Variants in THBS4 observed in about 807,000 individuals in gnomAD.
The protein encoded by THBS4 is thrombospondin-4.
Under a neutral mutation model 115.7 loss-of-function variants are expected in THBS4, and 90 were observed. That is an observed-to-expected ratio of 0.78 (90% CI 0.66 to 0.93). The LOEUF (loss-of-function observed/expected upper bound fraction) is 0.93. Ranked by LOEUF, THBS4 falls within the 40% of genes least tolerant of loss-of-function variation. The probability of loss-of-function intolerance (pLI) is 0.00; values close to 1 mark genes in which losing one functional copy is unlikely to be tolerated. For missense variants in THBS4, 1,087 were observed against 1,232.7 expected (o/e 0.88, Z 1.77); for synonymous variants, 460 against 479.3 (o/e 0.96, Z 0.53).
chr5:80,011,408 A>G lies in THBS4; in HGVS notation n.177+12981A>G, dbSNP rs1354346001. ...ATAGTTGCCACGGAGGCTGGGAAAT[A>G]CAGTCTCTAGCTAGGAGGCCCTATG... On this transcript the variant is annotated intron_variant and non_coding_transcript_variant, in intron 2 of 3. Coordinates refer to the THBS4 transcript ENST00000510218. 2.0e-4 allele frequency among the ~76,000 whole-genome samples: 30 copies of G among 152,176 alleles called. 1 individual carries two copies. The highest frequency in any genetic ancestry group is 2.0e-3 in the Admixed American group (30 of 15,272).
At chr5:80,024,614 C>G (rs1832439580) in intron 2 of THBS4, among the ~76,000 whole-genome samples, 1 of 152,184 alleles carries the variant, frequency 6.6e-6, no homozygotes, top group South Asian at 2.1e-4. Flanking sequence ...CCAGATCATA[C>G]ATAGCATTAT....
chr5:80,011,603 G>A (rs1400794714), intron 2 of THBS4, among the ~76,000 whole-genome samples: 1 of 152,104 alleles, frequency 6.6e-6, no homozygotes, highest in African/African-American at 2.4e-5. Context: ...AGCTAAAAAT[G>A]GGATAAGAAC....
intron 1 of THBS4, among the ~76,000 whole-genome samples, chr5:79,995,051 G>T (rs1237676891): frequency 6.6e-6 from 1 of 152,226 alleles, no homozygotes; most frequent in Non-Finnish European, 1.5e-5. Context: ...ACTATGGCAA[G>T]GAATCTGAAG....
intron 2 of THBS4, among the ~76,000 whole-genome samples, chr5:80,009,866 C>A (rs1039942739): frequency 6.6e-6 from 1 of 152,128 alleles, no homozygotes; most frequent in Non-Finnish European, 1.5e-5. Context: ...GACTTGGTGG[C>A]TCAAGCCTGT....
At chr5:80,031,740 T>G (rs766357496), upstream of THBS4, among the ~76,000 whole-genome samples, 1 of 152,228 alleles carries the variant, frequency 6.6e-6, no homozygotes, top group Non-Finnish European at 1.5e-5. Flanking sequence ...AGCCTCTGCT[T>G]GTGGCACTTT....
intron 2 of THBS4, among the ~76,000 whole-genome samples, chr5:80,044,676 C>G (rs1030337180): frequency 6.6e-6 from 1 of 152,040 alleles, no homozygotes; most frequent in Non-Finnish European, 1.5e-5. Context: ...CCTCCTGTCT[C>G]GGCCTCCTAA....
At chr5:80,001,214 G>A (rs1302167450) in intron 2 of THBS4, among the ~76,000 whole-genome samples, 5 of 152,166 alleles carry the variant, frequency 3.3e-5, no homozygotes, top group Admixed American at 3.3e-4. Flanking sequence ...GACATCTAGA[G>A]GTGACTGTCA....
At chr5:80,070,014 C>T (rs1833975226) in intron 10 of THBS4, among the ~76,000 whole-genome samples, 2 of 152,238 alleles carry the variant, frequency 1.3e-5, no homozygotes, top group Admixed American at 1.3e-4. Context: ...GTTTCCAGTT[C>T]CCTGTGACCT....
chr5:80,002,630 A>G (rs1427781369), intron 2 of THBS4, among the ~76,000 whole-genome samples: 4 of 151,690 alleles, frequency 2.6e-5, no homozygotes, highest in Non-Finnish European at 5.9e-5. Flanking sequence ...GTGCAGGGAG[A>G]GAGAGCATTT....
intron 1 of THBS4, among the ~76,000 whole-genome samples, chr5:79,995,861 C>A (rs1244518599): frequency 6.6e-6 from 1 of 151,988 alleles, no homozygotes; most frequent in Non-Finnish European, 1.5e-5. Flanking sequence ...CAGTGGCTCA[C>A]ACCTGTAATC....
At chr5:80,059,325 C>CT in intron 5 of THBS4, 115 bp from the exon 6 acceptor site, 2 of 935,688 alleles carry the variant, frequency 2.1e-6, no homozygotes, top group Non-Finnish European at 3.1e-6. Flanking sequence ...CTGAGACTGT[C>CT]TCAAAAAAAA....
chr5:80,052,003 A>G (rs950404337), intron 2 of THBS4, among the ~76,000 whole-genome samples: 8 of 152,364 alleles, frequency 5.3e-5, no homozygotes, highest in African/African-American at 1.9e-4. Context: ...AATGTAGAGA[A>G]CAGAGGTAGT....
chr5:80,083,201 C>G lies in THBS4; in HGVS notation c.*60C>G, dbSNP rs1743619382. 1 of 1,465,028 alleles carries G rather than the reference C, an allele frequency of 6.8e-7. No homozygotes were observed. The highest frequency in any genetic ancestry group is 9.6e-7 in the Non-Finnish European group (1 of 1,045,182). The allele number at this position is 1,465,028 out of a possible 1,614,324, so 90.8% of individuals were successfully genotyped here. A position where few individuals can be genotyped will look rare whatever the true frequency, so the allele number is the denominator to read the frequency against. On this transcript the variant is annotated 3_prime_UTR_variant, in exon 22 of 22. Coordinates refer to ENST00000350881, the MANE Select transcript of THBS4 (RefSeq NM_003248.6). ...ACTAAAACCATATATATTTTAACTT[C>G]AATTTTCTTTAGCTTTTACCAACCC... is the stretch of plus-strand genomic sequence containing the variant.
chr5:80,026,527 C>G (rs918232347), intron 2 of THBS4, among the ~76,000 whole-genome samples: 2 of 152,180 alleles, frequency 1.3e-5, no homozygotes, highest in African/African-American at 4.8e-5. Context: ...ATATCTGAGC[C>G]CTTCGCAGGC....
chr5:80,062,897 G>A (rs1345395602), intron 8 of THBS4, among the ~76,000 whole-genome samples: 1 of 152,194 alleles, frequency 6.6e-6, no homozygotes, highest in Non-Finnish European at 1.5e-5. Context: ...ATATTCCATG[G>A]TGTATATGTG....
At chr5:80,080,442 C>T (rs1259126725) in intron 20 of THBS4, among the ~76,000 whole-genome samples, 1 of 152,014 alleles carries the variant, frequency 6.6e-6, no homozygotes, top group African/African-American at 2.4e-5. Flanking sequence ...GGTCTCTTCT[C>T]CACACCCTCC....
Position 80,027,514 on chromosome 5 carries a change from T to C in THBS4, n.178-12563T>C, listed in dbSNP as rs931193758. ...CCAAGATGGGAATTTTGTTGCCATT[T>C]ATTACACCGACAGACTTCATTCTTG... On this transcript the variant is annotated intron_variant and non_coding_transcript_variant, in intron 2 of 3. Coordinates refer to the THBS4 transcript ENST00000510218. Among the ~76,000 whole-genome samples, 12 of 152,294 alleles carry C rather than the reference T, an allele frequency of 7.9e-5. No individual in the cohort carries two copies. In the South Asian group the frequency reaches 2.5e-3, roughly 32 times the overall value.
At position 80,082,556 on chromosome 5, in the gene THBS4, TTC is replaced by T; in HGVS notation, c.2824+14_2824+15del. On this transcript the variant is annotated intron_variant, in intron 21 of 21. Coordinates refer to ENST00000350881, the MANE Select transcript of THBS4 (RefSeq NM_003248.6). Reference sequence around the variant, plus strand: ...AGTATCGCTGCAATGGTAATGTGCATTCTCGTTACTGTTCAACATTGTTACTA... The same window carrying T: ...AGTATCGCTGCAATGGTAATGTGCATTCGTTACTGTTCAACATTGTTACTA... The T allele has an allele frequency of 6.2e-7, 1 of 1,614,026 alleles. No individual in the cohort carries two copies. Among genetic ancestry groups the T allele is most frequent in the Admixed American group, 1.7e-5 (1 of 60,000 alleles).
chr5:80,061,620 T>C lies in THBS4; in HGVS notation c.988-75T>C, dbSNP rs1007425364. ...AGATAGTTAAATGACTAAACAAGTA[T>C]GTGCAAATAGATGAAGAAAAGTTTG... On this transcript the variant is annotated intron_variant, in intron 7 of 21. Coordinates refer to ENST00000350881, the MANE Select transcript of THBS4 (RefSeq NM_003248.6). The C allele has an allele frequency of 1.4e-5, 21 of 1,491,028 alleles. No homozygotes were observed. In the Admixed American group the frequency reaches 2.4e-4, roughly 17 times the overall value. 92.4% of individuals were successfully genotyped at this position (1,491,028 alleles called of 1,614,324 possible).
Sources: allele counts gnomAD v4.1 joint callset (sites outside exome capture counted in the v4.1 genomes callset), GRCh38; gene constraint gnomAD v4.1.1; transcripts MANE v1.5; gene names NCBI Gene and HGNC (gene_info 2026-07-23, HGNC 2026-07-21).